Variants in ANKMY1 observed in about 807,000 individuals in gnomAD.
The protein encoded by ANKMY1 is ankyrin repeat and MYND domain containing 1.
In ANKMY1, 98 loss-of-function variants were observed where a neutral mutation model predicts 102.0. That is an observed-to-expected ratio of 0.96 (90% CI 0.82 to 1.14). ANKMY1 has a LOEUF of 1.14. Among genes scored for constraint, ANKMY1 ranks in the 50% most tolerant of loss-of-function variants. ANKMY1 has a pLI of 0.00. For missense variants in ANKMY1, 1,330 were observed against 1,347.6 expected, an observed-to-expected ratio of 0.99 and a Z score of 0.20; for synonymous variants, 582 against 559.9, an observed-to-expected ratio of 1.04 and a Z score of -0.56.
intron 4 of ANKMY1, among the ~76,000 whole-genome samples, chr2:240,545,691 G>T (rs1291230739): frequency 2.0e-5 from 3 of 152,148 alleles, no homozygotes; most frequent in Non-Finnish European, 2.9e-5. Flanking sequence ...GAAAACCAAG[G>T]CTCGAGAACT....
rs763262685 is a variant in ANKMY1 at position 240,499,946 on chromosome 2, C to T, written c.2806+12G>A. ...CCCTGTGGAGCAGAGCAGAGCAGGG[C>T]CCACTGCTCACCTCTCTTGCACAGG... On this transcript the variant is annotated intron_variant, in intron 15 of 17. Coordinates refer to ENST00000401804, the MANE Select transcript of ANKMY1 (RefSeq NM_001282771.3). This position sits in a 1 kb window ranked among gnomAD's most constrained non-coding sequence, Gnocchi z 4.2. The T allele has an allele frequency of 3.1e-6, 5 of 1,608,396 alleles. No homozygotes were observed. The African/African-American group carries it at 6.7e-5, about 21-fold the overall frequency.
At chr2:240,541,154 T>C (rs1031135204) in intron 4 of ANKMY1, among the ~76,000 whole-genome samples, 4 of 152,150 alleles carry the variant, frequency 2.6e-5, no homozygotes, top group African/African-American at 9.7e-5. Context: ...CTGTGTGTTG[T>C]GTGTGTGCCT....
intron 4 of ANKMY1, among the ~76,000 whole-genome samples, chr2:240,535,413 G>C (rs1462067285): frequency 1.3e-5 from 2 of 152,322 alleles, no homozygotes; most frequent in Non-Finnish European, 1.5e-5. Context: ...TGTTCAGAGA[G>C]AGAGCAGGTT....
chr2:240,539,961 G>C (rs2088215880), intron 4 of ANKMY1, among the ~76,000 whole-genome samples: 1 of 152,140 alleles, frequency 6.6e-6, no homozygotes, highest in Admixed American at 6.5e-5. Flanking sequence ...TTAAAATAGA[G>C]ACCAGAAGGC....
chr2:240,515,305 G>A (rs1416304443), intron 9 of ANKMY1, among the ~76,000 whole-genome samples: 1 of 152,172 alleles, frequency 6.6e-6, no homozygotes, highest in African/African-American at 2.4e-5. Context: ...GGGAGGCCAA[G>A]GTGGGCGGAT....
In ANKMY1 at chr2:240,554,999, G is replaced by A. The variant is rs369138842; in HGVS notation, c.203C>T (p.Ala68Val). ...EEEEAEGPLR[A>V]QDLRESYIQL... ...GATGTAGGACTCCCTCAGGTCCTGC[G>A]CCCTCAGCGGGCCCTCAGCTTCCTC... The change falls in exon 3 of 18, where the codon GCG becomes GTG. Residue 68 changes from alanine to valine, a missense_variant. Physicochemically the swap from Ala to Val is moderately conservative, Grantham distance 64 (BLOSUM62 0). Transcript: ENST00000401804. 102 of 1,613,994 alleles carry A rather than the reference G, an allele frequency of 6.3e-5. No individual in the cohort carries two copies. The highest frequency in any genetic ancestry group is 3.3e-4 in the East Asian group (15 of 44,902).
At chr2:240,542,480 G>A (rs900628275) in intron 4 of ANKMY1, among the ~76,000 whole-genome samples, 2 of 151,682 alleles carry the variant, frequency 1.3e-5, no homozygotes, top group African/African-American at 4.8e-5. Context: ...CGCCAGCCTG[G>A]GCAACAGACC....
Position 240,525,821 on chromosome 2 carries a change from A to C in ANKMY1, c.1199T>G (p.Leu400Arg), listed in dbSNP as rs777819104. The C allele has an allele frequency of 1.9e-6, 3 of 1,613,986 alleles. No homozygotes were observed. Among genetic ancestry groups the C allele is most frequent in the Non-Finnish European group, 1.7e-6 (2 of 1,180,006 alleles). ...ATHCHNDIVNLLLDCGADVNK... is the reference protein window; with the variant it reads ...ATHCHNDIVNRLLDCGADVNK... ...CACGTCGGCCCCACAGTCCAGGAGAAGGTTGACAATGTCGTTGTGGCAGTG... is the reference window on the plus strand; with the variant it reads ...CACGTCGGCCCCACAGTCCAGGAGACGGTTGACAATGTCGTTGTGGCAGTG... The change falls in exon 7 of 18, where the codon CTT (leucine) becomes CGT (arginine). Residue 400 changes from leucine to arginine, a missense_variant. Coordinates refer to ENST00000401804, the MANE Select transcript of ANKMY1 (RefSeq NM_001282771.3).
the ANKMY1 span, among the ~76,000 whole-genome samples, chr2:240,474,038 A>C: frequency 4.6e-5 from 7 of 152,196 alleles, no homozygotes; most frequent in Non-Finnish European, 8.8e-5. Context: ...GAAAGGAAAT[A>C]AAAGGCATCC....
At chr2:240,554,601 T>G in intron 3 of ANKMY1, 1 of 428,284 alleles carries the variant, frequency 2.3e-6, no homozygotes, top group Non-Finnish European at 4.2e-6. Flanking sequence ...ATTCATAATT[T>G]TAAAACGTCT....
chr2:240,498,189 G>C (rs1021295009), intron 15 of ANKMY1, among the ~76,000 whole-genome samples: 2 of 151,114 alleles, frequency 1.3e-5, no homozygotes, highest in African/African-American at 4.9e-5. Flanking sequence ...TTTGTGTTGG[G>C]GGGGGACATA....
chr2:240,469,397 G>A, the ANKMY1 span, among the ~76,000 whole-genome samples: 2 of 152,188 alleles, frequency 1.3e-5, no homozygotes, highest in African/African-American at 4.8e-5. Context: ...AGGCTGCTCA[G>A]GGAGAGACCC....
chr2:240,535,604 A>G (rs922583046), intron 4 of ANKMY1, among the ~76,000 whole-genome samples: 4 of 152,256 alleles, frequency 2.6e-5, no homozygotes, highest in African/African-American at 9.6e-5. Context: ...TTTTGAGGAT[A>G]AATATTCTTT....
At chr2:240,545,168 G>A (rs972971150) in intron 4 of ANKMY1, among the ~76,000 whole-genome samples, 49 of 152,330 alleles carry the variant, frequency 3.2e-4, no homozygotes, top group African/African-American at 1.1e-3. Flanking sequence ...ATCTGAGAAC[G>A]GGCAGACTGC....
intron 9 of ANKMY1, among the ~76,000 whole-genome samples, chr2:240,514,073 C>T (rs531441442): frequency 6.6e-6 from 1 of 152,242 alleles, no homozygotes; most frequent in African/African-American, 2.4e-5. Flanking sequence ...AGGCCACACC[C>T]TCCTTACATG....
At chr2:240,483,243 G>A (rs927720420) in intron 15 of ANKMY1, among the ~76,000 whole-genome samples, 2 of 151,750 alleles carry the variant, frequency 1.3e-5, no homozygotes, top group Non-Finnish European at 2.9e-5. Context: ...TGCAACCTTC[G>A]CCTCCTAGGT....
rs2084601671 is a variant in ANKMY1 at position 240,529,045 on chromosome 2, G to GT, written c.944dup (p.Tyr315Ter). 1.2e-6 allele frequency: 2 copies of GT among 1,613,952 alleles called. No homozygotes were observed. The highest frequency in any genetic ancestry group is 1.7e-5 in the Admixed American group (1 of 60,012). Residue 315 changes from tyrosine (Y) to a stop codon, truncating the protein, a stop_gained and frameshift_variant, in exon 5 of 18, where the codon TAC becomes TAAC. Coordinates refer to ENST00000401804, the MANE Select transcript of ANKMY1 (RefSeq NM_001282771.3). LOFTEE classifies it high-confidence loss of function. The surrounding 1 kb of genome is among the most constrained non-coding windows in gnomAD (Gnocchi z 4.2). ...AGTAGCAGACTAGTCACCTGAACTT[G>GT]TAAGTTTGCTTCTGGATTTTGACCA... ...PLLVKIQKQT[Y>*]KFRNKPAHTS... is the part of the protein sequence containing the mutation.
At chr2:240,522,071 C>G (rs1474210124) in intron 8 of ANKMY1, 2 of 152,164 alleles carry the variant, frequency 1.3e-5, no homozygotes, top group African/African-American at 4.8e-5. Flanking sequence ...TTTTTTGGCC[C>G]CGCCCACATC....
chr2:240,520,157 G>C lies in ANKMY1; in HGVS notation c.2004+205C>G, dbSNP rs972313974. The C allele has an allele frequency of 3.3e-5, 27 of 824,792 alleles. No individual in the cohort carries two copies. Among genetic ancestry groups the C allele is most frequent in the Non-Finnish European group, 6.2e-6 (3 of 485,210 alleles). The allele number at this position is 824,792 out of a possible 1,614,324, so 51.1% of individuals were successfully genotyped here. On this transcript the variant is annotated intron_variant, in intron 9 of 17. Transcript: ENST00000401804. The surrounding 1 kb of genome is among the most constrained non-coding windows in gnomAD (Gnocchi z 4.8). ...CGTGAAGTACTCTAAAAACTAGCTC[G>C]GTGTCCAAATCCTGTCTGGGGACAT...
Sources: allele counts gnomAD v4.1 joint callset (sites outside exome capture counted in the v4.1 genomes callset), GRCh38; gene constraint gnomAD v4.1.1; non-coding constraint Gnocchi (gnomAD v3.1); transcripts MANE v1.5; gene names NCBI Gene and HGNC (gene_info 2026-07-23, HGNC 2026-07-21).